The following SLC20A2 variants were observed in gnomAD, a reference collection of about 807,000 sequenced individuals.
SLC20A2 encodes the protein sodium-dependent phosphate transporter 2.
In SLC20A2, 30 loss-of-function variants were observed where a neutral mutation model predicts 61.0. The observed-to-expected ratio is 0.49, with a 90% CI of 0.37 to 0.67. SLC20A2 has a LOEUF of 0.67. SLC20A2 is among the 30% of genes least tolerant of loss of function. The pLI is 0.00. For missense variants in SLC20A2, 626 were observed against 866.4 expected, an observed-to-expected ratio of 0.72 and a Z score of 3.48; for synonymous variants, 351 against 353.3, an observed-to-expected ratio of 0.99 and a Z score of 0.07.
In SLC20A2 at chr8:42,464,907, G is replaced by A. The variant is rs570675160; in HGVS notation, c.430+870C>T. 4.8e-4 allele frequency among the ~76,000 whole-genome samples: 73 copies of A among 152,102 alleles called. 1 individual carries two copies. The South Asian group carries it at 7.9e-3, about 16-fold the overall frequency. ...GGAGAACTGCTTGAACTCGGGAGGC[G>A]GAGGTTGCAGTGAGCCGAGATTGCG... is the stretch of plus-strand genomic sequence containing the variant. On this transcript the variant is annotated intron_variant, in intron 3 of 10. Transcript: ENST00000520262.
intron 8 of SLC20A2, 24 bp downstream of exon 8, chr8:42,436,965 G>A: frequency 1.3e-6 from 2 of 1,562,756 alleles, no homozygotes; most frequent in Non-Finnish European, 1.7e-6. Flanking sequence ...GACCCTTGTT[G>A]AATGAATGAA....
chr8:42,429,637 G>A (rs1164442197), intron 9 of SLC20A2, among the ~76,000 whole-genome samples: 1 of 152,206 alleles, frequency 6.6e-6, no homozygotes, highest in African/African-American at 2.4e-5. Context: ...TCCCTGTCTG[G>A]CAGAGCAAGA....
chr8:42,494,621 C>T (rs779244660), intron 1 of SLC20A2, among the ~76,000 whole-genome samples: 9 of 152,140 alleles, frequency 5.9e-5, no homozygotes, highest in Non-Finnish European at 1.3e-4. Context: ...ATACATCTAA[C>T]GCCATCATTT....
rs116122164 is a variant in SLC20A2 at position 42,439,538 on chromosome 8, G to A, written c.846C>T (p.Asp282=). The change falls in exon 7 of 11, where the codon GAC becomes GAT. Residue 282 remains aspartate (D), a synonymous_variant. Transcript: ENST00000520262. ...CTGCTCCCGTGAGCGGGATGGTGCT[G>A]TCATCATTAGCCTTGGCACCTGGTA... ...KELPGAKAND[D]STIPLTGAAG... 684 of 1,614,216 alleles carry A rather than the reference G, an allele frequency of 4.2e-4. 1 individual carries two copies. The highest frequency in any genetic ancestry group is 5.6e-4 in the Non-Finnish European group (657 of 1,180,040).
At chr8:42,512,663 T>C (rs1811097839) in intron 1 of SLC20A2, among the ~76,000 whole-genome samples, 1 of 152,190 alleles carries the variant, frequency 6.6e-6, no homozygotes, top group Non-Finnish European at 1.5e-5. Flanking sequence ...AAAAACTCTT[T>C]TTCAATAAGA....
intron 1 of SLC20A2, among the ~76,000 whole-genome samples, chr8:42,533,871 G>T (rs923896961): frequency 8.0e-5 from 12 of 150,758 alleles, no homozygotes; most frequent in South Asian, 2.1e-4. Context: ...TGTTGGTCAG[G>T]CTGGTCTCGA....
rs940741741 is a variant in SLC20A2 at position 42,436,102 on chromosome 8, C to T, written c.1523+887G>A. On this transcript the variant is annotated intron_variant, in intron 8 of 10. Coordinates refer to ENST00000520262, the MANE Select transcript of SLC20A2 (RefSeq NM_001257180.2). ...CTGCACTCCAGCCTGGGGAACAGAG[C>T]GAGACTCCGTCTTAAAAAAAAAAAT... 7.3e-5 allele frequency among the ~76,000 whole-genome samples: 11 copies of T among 151,264 alleles called. No individual in the cohort carries two copies. The South Asian group carries it at 2.3e-3, about 31-fold the overall frequency.
At chr8:42,525,814 G>A (rs2131414512) in intron 1 of SLC20A2, among the ~76,000 whole-genome samples, 1 of 152,258 alleles carries the variant, frequency 6.6e-6, no homozygotes. Flanking sequence ...CACGATGATA[G>A]GGATATGGCA....
At chr8:42,503,205 C>T (rs2131353484), upstream of SLC20A2, among the ~76,000 whole-genome samples, 1 of 152,328 alleles carries the variant, frequency 6.6e-6, no homozygotes, top group East Asian at 1.9e-4. Flanking sequence ...AGTCATTCTG[C>T]TGCTTCCTTT....
Position 42,437,611 on chromosome 8 carries a change from T to G in SLC20A2, c.935-34A>C. On this transcript the variant is annotated intron_variant, in intron 7 of 10. Transcript: ENST00000520262. The surrounding 1 kb of genome is among the most constrained non-coding windows in gnomAD (Gnocchi z 6.4). ...GGTTAGAGAAGGTCTCATTTTCCAG[T>G]CTTTTTTTTTTTTTTCTTTTCTTTT... 2.0e-6 allele frequency: 3 copies of G among 1,464,416 alleles called. No homozygotes were observed. The highest frequency in any genetic ancestry group is 2.7e-6 in the Non-Finnish European group (3 of 1,091,822). 90.7% of individuals were successfully genotyped at this position (1,464,416 alleles called of 1,614,324 possible).
chr8:42,451,554 G>T (rs1489974538), intron 5 of SLC20A2, among the ~76,000 whole-genome samples: 2 of 141,492 alleles, frequency 1.4e-5, no homozygotes, highest in Non-Finnish European at 3.1e-5. Context: ...GGAAAAGATG[G>T]AGGAGGAAGA....
chr8:42,512,766 A>G (rs1400206753), intron 1 of SLC20A2, among the ~76,000 whole-genome samples: 1 of 152,268 alleles, frequency 6.6e-6, no homozygotes, highest in African/African-American at 2.4e-5. Flanking sequence ...ATTTAAAATT[A>G]TTAAAGTAAT....
At chr8:42,531,985 ATTTT>A in intron 1 of SLC20A2, among the ~76,000 whole-genome samples, 1 of 143,460 alleles carries the variant, frequency 7.0e-6, no homozygotes, top group South Asian at 2.2e-4. Context: ...CGCCTGGCTA[ATTTT>A]TTTTTTTTTT....
chr8:42,521,200 A>C (rs1169315466), intron 1 of SLC20A2, among the ~76,000 whole-genome samples: 2 of 121,468 alleles, frequency 1.6e-5, no homozygotes, highest in Non-Finnish European at 4.0e-5. Context: ...AATAACCCAA[A>C]TGTCCTTCAA....
chr8:42,484,623 G>A (rs1175692195), intron 1 of SLC20A2: 6 of 241,146 alleles, frequency 2.5e-5, no homozygotes, highest in Admixed American at 8.5e-5. Flanking sequence ...AGCTTTGCAG[G>A]AGAGGCCATG....
Position 42,443,440 on chromosome 8 carries a change from C to T in SLC20A2, c.730+1206G>A, listed in dbSNP as rs576579017. 2.5e-4 allele frequency among the ~76,000 whole-genome samples: 38 copies of T among 151,198 alleles called. No individual in the cohort carries two copies. In the South Asian group the frequency reaches 6.1e-3, roughly 24 times the overall value. On this transcript the variant is annotated intron_variant, in intron 6 of 10. Coordinates refer to ENST00000520262, the MANE Select transcript of SLC20A2 (RefSeq NM_001257180.2). ...AAGCAATTCTCCTGTCTCAGCCTCC[C>T]GAGTAGCTGGGACTACAGGCACCTG...
At chr8:42,496,926 T>C (rs941165255) in intron 1 of SLC20A2, among the ~76,000 whole-genome samples, 2 of 152,196 alleles carry the variant, frequency 1.3e-5, no homozygotes, top group African/African-American at 4.8e-5. Flanking sequence ...GGCTACACGC[T>C]ACCTCTGCCC....
At chr8:42,475,470 C>T (rs1191050213) in intron 1 of SLC20A2, among the ~76,000 whole-genome samples, 3 of 151,896 alleles carry the variant, frequency 2.0e-5, no homozygotes, top group African/African-American at 7.3e-5. Context: ...AGTGCAGTGG[C>T]GCGATCTTGG....
At chr8:42,501,786 C>T (rs1265623904), upstream of SLC20A2, among the ~76,000 whole-genome samples, 3 of 152,188 alleles carry the variant, frequency 2.0e-5, no homozygotes, top group Non-Finnish European at 4.4e-5. Flanking sequence ...CAAATATTTG[C>T]AAAGGCATTG....
Sources: allele counts gnomAD v4.1 joint callset (sites outside exome capture counted in the v4.1 genomes callset), GRCh38; gene constraint gnomAD v4.1.1; non-coding constraint Gnocchi (gnomAD v3.1); transcripts MANE v1.5; gene names NCBI Gene and HGNC (gene_info 2026-07-23, HGNC 2026-07-21).